The following SLC27A6 variants were observed in gnomAD, a reference collection of about 807,000 sequenced individuals.
The protein encoded by SLC27A6 is solute carrier family 27 member 6.
A neutral mutation model predicts 63.9 loss-of-function variants in SLC27A6; 74 were observed. That is an observed-to-expected ratio of 1.16 (90% confidence interval 0.96 to 1.40). SLC27A6 has a LOEUF of 1.40. SLC27A6 is among the 40% of genes most tolerant of loss of function. The pLI, the probability that SLC27A6 is intolerant of heterozygous loss-of-function variation, is 0.00. For missense variants in SLC27A6, 794 were observed against 732.9 expected (o/e 1.08, Z -0.96); for synonymous variants, 287 against 260.8 (o/e 1.10, Z -0.97).
chr5:129,026,232 C>T (rs934584636), intron 6 of SLC27A6, among the ~76,000 whole-genome samples: 6 of 152,146 alleles, frequency 3.9e-5, no homozygotes, highest in Non-Finnish European at 7.4e-5. Flanking sequence ...TTACAGCAGG[C>T]ATAGCAAGTG....
In SLC27A6 at chr5:129,015,647, T is replaced by C. The variant is rs370408320; in HGVS notation, c.970-238T>C. Among the ~76,000 whole-genome samples, 4 of 152,320 alleles carry C rather than the reference T, an allele frequency of 2.6e-5. No individual in the cohort carries two copies. In the East Asian group the frequency reaches 7.7e-4, roughly 29 times the overall value. On this transcript the variant is annotated intron_variant, in intron 4 of 9. Coordinates refer to ENST00000262462, the MANE Select transcript of SLC27A6 (RefSeq NM_001017372.3). ...CCCAAAAAAAAAGCCTTTAGTGATC[T>C]GCAATTTAGAATGAGCTGTTCCCAG...
intron 5 of SLC27A6, among the ~76,000 whole-genome samples, chr5:129,018,058 C>T (rs1041387678): frequency 6.6e-6 from 1 of 152,104 alleles, no homozygotes; most frequent in Non-Finnish European, 1.5e-5. Context: ...TAATCTCTCT[C>T]CTCAGGTGTG....
intron 1 of SLC27A6, among the ~76,000 whole-genome samples, chr5:128,970,712 C>G (rs1469301562): frequency 6.6e-6 from 1 of 151,898 alleles, no homozygotes; most frequent in African/African-American, 2.4e-5. Flanking sequence ...AAAACCAGCT[C>G]CTGGATTCTT....
chr5:129,032,551 G>A (rs1348689193), intron 9 of SLC27A6, among the ~76,000 whole-genome samples: 1 of 152,030 alleles, frequency 6.6e-6, no homozygotes, highest in East Asian at 1.9e-4. Flanking sequence ...ACTAACAGAT[G>A]TCACTGAGTT....
At chr5:129,009,825 C>T (rs1344447464) in intron 4 of SLC27A6, among the ~76,000 whole-genome samples, 2 of 152,036 alleles carry the variant, frequency 1.3e-5, no homozygotes, top group Middle Eastern at 3.2e-3. Flanking sequence ...CAGGTGCACG[C>T]TGCCATGCCT....
rs1196320675 is a variant in SLC27A6 at position 129,023,606 on chromosome 5, T to C, written c.1165-14T>C. The C allele has an allele frequency of 4.5e-6, 7 of 1,557,118 alleles. No homozygotes were observed. Among genetic ancestry groups the C allele is most frequent in the Non-Finnish European group, 6.1e-6 (7 of 1,147,992 alleles). Reference sequence around the variant, plus strand: ...AAATGCTTGTTTCTATTTGTTTGATTTTTTTTTTTGCAGCTTCTTTCCACT... The same window carrying C: ...AAATGCTTGTTTCTATTTGTTTGATCTTTTTTTTTGCAGCTTCTTTCCACT... On this transcript the variant is annotated splice_polypyrimidine_tract_variant and intron_variant, in intron 5 of 9. Coordinates refer to ENST00000262462, the MANE Select transcript of SLC27A6 (RefSeq NM_001017372.3).
chr5:128,998,204 A>C (rs1042854981), intron 4 of SLC27A6, among the ~76,000 whole-genome samples: 3 of 151,708 alleles, frequency 2.0e-5, no homozygotes, highest in African/African-American at 7.3e-5. Context: ...AGGTGGCAGG[A>C]TCATTTGCAC....
At chr5:128,990,077 T>C (rs1245684949) in intron 3 of SLC27A6, among the ~76,000 whole-genome samples, 1 of 152,242 alleles carries the variant, frequency 6.6e-6, no homozygotes, top group Non-Finnish European at 1.5e-5. Context: ...TTAACTCTTT[T>C]ACTTATTTTG....
chr5:128,986,041 TG>T (rs1750774985), intron 2 of SLC27A6, among the ~76,000 whole-genome samples: 1 of 152,172 alleles, frequency 6.6e-6, no homozygotes, highest in Non-Finnish European at 1.5e-5. Flanking sequence ...CCTGGCACAG[TG>T]ACTACTCACA....
At chr5:128,999,405 C>T (rs1331003165) in intron 4 of SLC27A6, among the ~76,000 whole-genome samples, 1 of 152,088 alleles carries the variant, frequency 6.6e-6, no homozygotes, top group Non-Finnish European at 1.5e-5. Flanking sequence ...TAAATGTTGG[C>T]ATGCCCCTGA....
chr5:128,985,274 G>C lies in SLC27A6; in HGVS notation c.623G>C (p.Ser208Thr), dbSNP rs368771261. The change falls in exon 2 of 10, where the codon AGC (serine) becomes ACC (threonine). Residue 208 changes from serine to threonine, a missense_variant. Coordinates refer to ENST00000262462, the MANE Select transcript of SLC27A6 (RefSeq NM_001017372.3). ...TCACCTGATGAGCCCGTGCCACGCA[G>C]CCACCATGTTGTCTCACTCCTCAAG... Reference protein sequence around the residue: ...STSPDEPVPRSHHVVSLLKST... With the variant: ...STSPDEPVPRTHHVVSLLKST... 5 of 1,613,956 alleles carry C rather than the reference G, an allele frequency of 3.1e-6. No individual in the cohort carries two copies. The African/African-American group carries it at 5.3e-5, about 17-fold the overall frequency.
At chr5:128,980,235 A>G (rs1750537284) in intron 1 of SLC27A6, among the ~76,000 whole-genome samples, 1 of 152,188 alleles carries the variant, frequency 6.6e-6, no homozygotes, top group South Asian at 2.1e-4. Flanking sequence ...AGCAGACACC[A>G]TTTAAGGAGG....
intron 1 of SLC27A6, among the ~76,000 whole-genome samples, chr5:128,977,024 T>C (rs1440887331): frequency 6.6e-6 from 1 of 152,188 alleles, no homozygotes; most frequent in Non-Finnish European, 1.5e-5. Flanking sequence ...ATTAGTAACA[T>C]TGACATCAAC....
At chr5:129,022,621 G>A (rs548535589) in intron 5 of SLC27A6, among the ~76,000 whole-genome samples, 1 of 151,872 alleles carries the variant, frequency 6.6e-6, no homozygotes, top group East Asian at 1.9e-4. Context: ...TTTTCTAACT[G>A]AGCTTGTTTG....
intron 7 of SLC27A6, 74 bp downstream of exon 7, chr5:129,027,405 C>A: frequency 8.8e-7 from 1 of 1,142,380 alleles, no homozygotes; most frequent in Non-Finnish European, 1.3e-6. Context: ...TCAGAGACCA[C>A]ATATGCTTTA....
At chr5:129,009,671 T>TTGTGTGTG (rs71000903) in intron 4 of SLC27A6, among the ~76,000 whole-genome samples, 17 of 149,180 alleles carry the variant, frequency 1.1e-4, no homozygotes, top group African/African-American at 2.5e-4. Context: ...TAACATTTCT[T>TTGTGTGTG]TGTGTGTGTG....
intron 9 of SLC27A6, among the ~76,000 whole-genome samples, chr5:129,030,934 C>T (rs2150157384): frequency 6.6e-6 from 1 of 152,114 alleles, no homozygotes; most frequent in Non-Finnish European, 1.5e-5. Context: ...CCCATGTTGT[C>T]CTTTTACAAC....
At chr5:129,002,726 T>C (rs752779900) in intron 4 of SLC27A6, among the ~76,000 whole-genome samples, 7 of 152,236 alleles carry the variant, frequency 4.6e-5, no homozygotes, top group Non-Finnish European at 8.8e-5. Context: ...AAATTATCTC[T>C]GTATCTTATG....
intron 4 of SLC27A6, among the ~76,000 whole-genome samples, chr5:129,013,399 A>G (rs1751790168): frequency 6.6e-6 from 1 of 152,110 alleles, no homozygotes. Flanking sequence ...TTTAGTTTTG[A>G]ATAATTCTTT....
Sources: allele counts gnomAD v4.1 joint callset (sites outside exome capture counted in the v4.1 genomes callset), GRCh38; gene constraint gnomAD v4.1.1; transcripts MANE v1.5; gene names NCBI Gene and HGNC (gene_info 2026-07-23, HGNC 2026-07-21).